Variants in TTC28 observed in about 807,000 individuals in gnomAD.
TTC28 encodes tetratricopeptide repeat domain 28.
In TTC28, 61 loss-of-function variants were observed where a neutral mutation model predicts 198.0. That is an observed-to-expected ratio of 0.31 (90% CI 0.25 to 0.38). TTC28 has a LOEUF of 0.38. TTC28 is among the 10% of genes least tolerant of loss of function. TTC28 has a pLI of 1.00. For synonymous variants in TTC28, 1,171 were observed against 1,297.8 expected (o/e 0.90, Z 2.10); for missense variants, 2,678 against 3,164.0 (o/e 0.85, Z 3.69).
intron 5 of TTC28, among the ~76,000 whole-genome samples, chr22:28,179,246 G>C (rs1472889602): frequency 6.7e-6 from 1 of 150,034 alleles, no homozygotes; most frequent in African/African-American, 2.5e-5. Context: ...TACAACCTCC[G>C]CCTCCCAGGG....
At chr22:28,394,460 A>C (rs2046783664) in intron 2 of TTC28, among the ~76,000 whole-genome samples, 1 of 151,948 alleles carries the variant, frequency 6.6e-6, no homozygotes, top group Non-Finnish European at 1.5e-5. Flanking sequence ...ATTCCTAAAA[A>C]CTCTCAGCCC....
intron 5 of TTC28, among the ~76,000 whole-genome samples, chr22:28,187,927 A>G (rs1924358004): frequency 6.6e-6 from 1 of 152,252 alleles, no homozygotes; most frequent in Non-Finnish European, 1.5e-5. Context: ...TTACATTGTA[A>G]GCATTCTGCT....
Position 28,336,432 on chromosome 22 carries a change from C to T in TTC28, c.382-29789G>A, listed in dbSNP as rs191051339. ...GGAATGGTACCAGTTCCTCCTTGTA[C>T]CTCTGGTAGAATTCAGCAGTGAATC... On this transcript the variant is annotated intron_variant, in intron 2 of 22. Transcript: ENST00000397906. 2.3e-3 allele frequency among the ~76,000 whole-genome samples: 344 copies of T among 152,258 alleles called. 1 individual carries two copies. Among genetic ancestry groups the T allele is most frequent in the African/African-American group, 7.7e-3 (321 of 41,552 alleles).
chr22:28,139,836 T>C (rs528050077), intron 6 of TTC28, among the ~76,000 whole-genome samples: 1 of 152,262 alleles, frequency 6.6e-6, no homozygotes, highest in Non-Finnish European at 1.5e-5. Flanking sequence ...GCCATCTCTC[T>C]CTGCACAGCT....
Position 27,982,201 on chromosome 22 carries a change from C to A in TTC28, c.*20G>T, listed in dbSNP as rs1389688617. On this transcript the variant is annotated 3_prime_UTR_variant, in exon 23 of 23. Coordinates refer to ENST00000397906, the MANE Select transcript of TTC28 (RefSeq NM_001145418.2). The surrounding 1 kb of genome is among the most constrained non-coding windows in gnomAD (Gnocchi z 5.2). Reference sequence around the variant, plus strand: ...CCCCCATCTGCAGGCTGCTCAGAGTCAGTGGGTATAAAAGATGCTTTAGCA... The same window carrying A: ...CCCCCATCTGCAGGCTGCTCAGAGTAAGTGGGTATAAAAGATGCTTTAGCA... 2.1e-6 allele frequency: 3 copies of A among 1,459,306 alleles called. No homozygotes were observed. Among genetic ancestry groups the A allele is most frequent in the Non-Finnish European group, 2.7e-6 (3 of 1,105,024 alleles). 90.4% of individuals were successfully genotyped at this position (1,459,306 alleles called of 1,614,324 possible). A position where few individuals can be genotyped will look rare whatever the true frequency, so the allele number is the denominator to read the frequency against.
intron 2 of TTC28, among the ~76,000 whole-genome samples, chr22:28,352,463 C>A (rs1415584195): frequency 6.6e-6 from 1 of 152,060 alleles, no homozygotes; most frequent in African/African-American, 2.4e-5. Context: ...TCTTAGGCTA[C>A]ATTTCGGAGC....
intron 2 of TTC28, among the ~76,000 whole-genome samples, chr22:28,514,000 A>C (rs1004640312): frequency 6.6e-6 from 1 of 152,188 alleles, no homozygotes. Flanking sequence ...AAAGAGATTA[A>C]GATTTAAGAT....
In TTC28 at chr22:28,601,777, GAC is replaced by G. The variant is rs34208241; in HGVS notation, c.381+27773_381+27774del. Among the ~76,000 whole-genome samples the G allele has an allele frequency of 9.1e-3, 1,282 of 141,478 alleles. 7 individuals carry two copies. Among genetic ancestry groups the G allele is most frequent in the East Asian group, 0.02 (98 of 4,788 alleles). 92.8% of individuals were successfully genotyped at this position (141,478 alleles called of 152,430 possible). ...AAGATTCACAGCAGAGTAAACCCTA[GAC>G]ACACACACACACACACACACACACA... On this transcript the variant is annotated intron_variant, in intron 2 of 22. Coordinates refer to ENST00000397906, the MANE Select transcript of TTC28 (RefSeq NM_001145418.2).
At chr22:28,365,192 G>T (rs2046228223) in intron 2 of TTC28, among the ~76,000 whole-genome samples, 1 of 152,130 alleles carries the variant, frequency 6.6e-6, no homozygotes, top group Non-Finnish European at 1.5e-5. Context: ...ATGATCATTA[G>T]AATTTTTAGT....
chr22:28,497,560 A>G (rs1047230455), intron 2 of TTC28, among the ~76,000 whole-genome samples: 11 of 152,204 alleles, frequency 7.2e-5, no homozygotes, highest in African/African-American at 2.7e-4. Context: ...AGTCTCAGGT[A>G]TCTAGATTTG....
intron 2 of TTC28, among the ~76,000 whole-genome samples, chr22:28,534,108 T>A (rs1233429606): frequency 6.6e-6 from 1 of 152,110 alleles, no homozygotes; most frequent in Non-Finnish European, 1.5e-5. Flanking sequence ...GAAAGTACCA[T>A]CAGAGTAAAC....
At chr22:28,613,488 C>G (rs1241077420) in intron 2 of TTC28, among the ~76,000 whole-genome samples, 1 of 152,064 alleles carries the variant, frequency 6.6e-6, no homozygotes, top group Non-Finnish European at 1.5e-5. Context: ...TGGGCAGAGA[C>G]ACAACAAAAA....
intron 2 of TTC28, among the ~76,000 whole-genome samples, chr22:28,342,121 T>A (rs1475863273): frequency 2.0e-5 from 3 of 152,226 alleles, no homozygotes. Flanking sequence ...AATTGTTTTT[T>A]GTGTTAAATT....
In TTC28 at chr22:27,983,711, C is replaced by A; in HGVS notation, c.5956G>T (p.Ala1986Ser). The part of the protein sequence containing the change: ...PFSPTGADSI[A>S]SDAISVYSLS... The stretch of plus-strand genomic sequence containing the variant: ...CTGTACACAGAGATGGCATCTGAGG[C>A]GATGCTGTCCGCACCGGTGGGAGAG... Residue 1986 changes from alanine to serine, a missense_variant, in exon 23 of 23, where the codon GCC (alanine) becomes TCC (serine). This residue lies in a region of TTC28 where 622 missense variants were observed against 656.0 expected (regional missense o/e 0.95). Transcript: ENST00000397906. The A allele has an allele frequency of 6.4e-7, 1 of 1,550,792 alleles. No individual in the cohort carries two copies. Among genetic ancestry groups the A allele is most frequent in the Non-Finnish European group, 8.7e-7 (1 of 1,146,618 alleles).
intron 5 of TTC28, among the ~76,000 whole-genome samples, chr22:28,277,459 T>TAAAA (rs1410447289): frequency 6.6e-6 from 1 of 152,210 alleles, no homozygotes; most frequent in Non-Finnish European, 1.5e-5. Flanking sequence ...TTCTACAAAC[T>TAAAA]ATTTTAATCA....
chr22:27,992,652 G>A lies in TTC28; in HGVS notation c.5488C>T (p.Pro1830Ser), dbSNP rs1303184564. The A allele has an allele frequency of 1.3e-6, 2 of 1,551,668 alleles. No homozygotes were observed. Among genetic ancestry groups the A allele is most frequent in the Admixed American group, 2.0e-5 (1 of 51,004 alleles). ...TLQSLLGLPN[P>S]ALQALCKLIT... is the part of the protein sequence containing the mutation. ...AGTTTGCAAAGGGCTTGGAGGGCAG[G>A]ATTGGGCAGACCTAAACCAAGAAAA... Residue 1830 changes from proline (P) to serine (S), a missense_variant, in exon 19 of 23, where the codon CCT becomes TCT. Transcript: ENST00000397906.
At chr22:27,984,528 C>A (rs537334474) in intron 22 of TTC28, among the ~76,000 whole-genome samples, 6 of 152,158 alleles carry the variant, frequency 3.9e-5, no homozygotes, top group African/African-American at 1.4e-4. Context: ...CCCTCCGACC[C>A]GCATGCACCC....
At chr22:28,621,836 G>A (rs1441515882) in intron 2 of TTC28, among the ~76,000 whole-genome samples, 2 of 151,514 alleles carry the variant, frequency 1.3e-5, no homozygotes, top group African/African-American at 2.4e-5. Context: ...GAATGAAAAT[G>A]AAATAAGATA....
At chr22:28,607,986 G>C (rs2050760943) in intron 2 of TTC28, among the ~76,000 whole-genome samples, 1 of 152,160 alleles carries the variant, frequency 6.6e-6, no homozygotes, top group Admixed American at 6.5e-5. Flanking sequence ...AAATGGCAGA[G>C]TAAAGCCTTC....
Sources: gnomAD v4.1 joint callset for allele counts (sites outside exome capture counted in the v4.1 genomes callset) on GRCh38, gnomAD v4.1.1 for gene constraint, gnomAD v4.1.1 regional missense constraint, Gnocchi (gnomAD v3.1) non-coding constraint, MANE v1.5 for transcripts, NCBI Gene and HGNC (gene_info 2026-07-23, HGNC 2026-07-21) for gene names.